The following CAMTA1 variants were observed in gnomAD, a reference collection of about 807,000 sequenced individuals.
CAMTA1 encodes the protein calmodulin binding transcription activator 1.
CAMTA1 carries 27 observed loss-of-function variants against 170.9 expected under a neutral mutation model. That is an observed-to-expected ratio of 0.16 (90% CI 0.12 to 0.22). The LOEUF is 0.22. CAMTA1 is among the 10% of genes least tolerant of loss of function. The pLI, the probability that CAMTA1 is intolerant of heterozygous loss-of-function variation, is 1.00. For synonymous variants in CAMTA1, 833 were observed against 891.5 expected (o/e 0.93, Z 1.17); for missense variants, 1,619 against 2,217.2 (o/e 0.73, Z 5.42).
At chr1:7,046,952 T>A (rs1249526920) in intron 3 of CAMTA1, among the ~76,000 whole-genome samples, 1 of 152,216 alleles carries the variant, frequency 6.6e-6, no homozygotes, top group Non-Finnish European at 1.5e-5. Context: ...TTTCTGTTTT[T>A]CCTCCTGGGT....
At chr1:7,457,885 AT>A (rs972207983) in intron 5 of CAMTA1, among the ~76,000 whole-genome samples, 5 of 152,048 alleles carry the variant, frequency 3.3e-5, no homozygotes, top group African/African-American at 1.2e-4. Flanking sequence ...CTGCCCAAGG[AT>A]CCCCCTTCCG....
chr1:7,341,898 T>A (rs955858283), intron 5 of CAMTA1, among the ~76,000 whole-genome samples: 1 of 151,946 alleles, frequency 6.6e-6, no homozygotes, highest in Non-Finnish European at 1.5e-5. Context: ...CCTCGCCTCC[T>A]CCCCCACCAG....
rs533353922 is a variant in CAMTA1, at chr1:6,804,665, A to C, written c.46-15516A>C. ...TTAGCATAATGTTTTCAAGGTTTTT[A>C]TCTATGTTGTATGTAGCATGTACTG... On this transcript the variant is annotated intron_variant, in intron 1 of 22. Coordinates refer to ENST00000303635, the MANE Select transcript of CAMTA1 (RefSeq NM_015215.4). 3.0e-4 allele frequency among the ~76,000 whole-genome samples: 45 copies of C among 152,196 alleles called. No homozygotes were observed. The South Asian group carries it at 9.3e-3, about 32-fold the overall frequency.
intron 6 of CAMTA1, among the ~76,000 whole-genome samples, chr1:7,556,172 G>A (rs1218567887): frequency 6.6e-6 from 1 of 152,178 alleles, no homozygotes; most frequent in East Asian, 1.9e-4. Flanking sequence ...GCGGGCTCTG[G>A]GCGGAGAGGC....
chr1:7,350,328 C>A (rs546165347), intron 5 of CAMTA1, among the ~76,000 whole-genome samples: 21 of 152,326 alleles, frequency 1.4e-4, no homozygotes, highest in African/African-American at 4.3e-4. Context: ...TGCAGAGAGT[C>A]CTCCTGCCCC....
At chr1:6,947,636 C>G (rs1687798342) in intron 3 of CAMTA1, among the ~76,000 whole-genome samples, 1 of 151,982 alleles carries the variant, frequency 6.6e-6, no homozygotes, top group Admixed American at 6.6e-5. Flanking sequence ...ACCACCTCGG[C>G]CTCCCAAAGT....
Position 7,705,577 on chromosome 1 carries a change from G to A in CAMTA1, c.2915-26871G>A, listed in dbSNP as rs1489832166. ...GGGCCCGGCCCGGCCGGCGGCGAGTGTGTTGGGGCGCTCGGCTTCTCCTCA... is the reference window on the plus strand; with the variant it reads ...GGGCCCGGCCCGGCCGGCGGCGAGTATGTTGGGGCGCTCGGCTTCTCCTCA... On this transcript the variant is annotated intron_variant, in intron 11 of 22. Coordinates refer to ENST00000303635, the MANE Select transcript of CAMTA1 (RefSeq NM_015215.4). Among the ~76,000 whole-genome samples the A allele has an allele frequency of 2.0e-5, 3 of 151,576 alleles. No homozygotes were observed. In the East Asian group the frequency reaches 5.8e-4, roughly 29 times the overall value.
intron 5 of CAMTA1, among the ~76,000 whole-genome samples, chr1:7,390,591 G>A (rs2088588807): frequency 6.6e-6 from 1 of 152,230 alleles, no homozygotes; most frequent in Non-Finnish European, 1.5e-5. Context: ...AGTGCCTGTG[G>A]CAGTAGGGTT....
At chr1:7,452,586 C>T (rs898001288) in intron 5 of CAMTA1, among the ~76,000 whole-genome samples, 1 of 152,236 alleles carries the variant, frequency 6.6e-6, no homozygotes, top group Non-Finnish European at 1.5e-5. Flanking sequence ...ATAGGTTGAC[C>T]TCTTCAGAAT....
At position 7,664,377 on chromosome 1, in the gene CAMTA1, G is replaced by T. The variant is rs1434121080; in HGVS notation, c.1830G>T (p.Gln610His). ...CGGGCCACAGCCCCCACATCCACCAGACCCCCTCCCCGAGCTTCTTCCTGC... is the reference window on the plus strand; with the variant it reads ...CGGGCCACAGCCCCCACATCCACCATACCCCCTCCCCGAGCTTCTTCCTGC... ...SQTGHSPHIH[Q>H]TPSPSFFLQD... The change falls in exon 9 of 23, where the codon CAG (glutamine) becomes CAT (histidine). Residue 610 changes from glutamine to histidine, a missense_variant. This residue lies in a region of CAMTA1 where 731 missense variants were observed against 907.6 expected (regional missense o/e 0.81). Coordinates refer to ENST00000303635, the MANE Select transcript of CAMTA1 (RefSeq NM_015215.4). 1 of 1,613,532 alleles carries T rather than the reference G, an allele frequency of 6.2e-7. No homozygotes were observed. Among genetic ancestry groups the T allele is most frequent in the Non-Finnish European group, 8.5e-7 (1 of 1,179,982 alleles).
chr1:7,578,720 G>A (rs1042993502), intron 6 of CAMTA1, among the ~76,000 whole-genome samples: 2 of 152,142 alleles, frequency 1.3e-5, no homozygotes, highest in Non-Finnish European at 2.9e-5. Context: ...TGGACAGATG[G>A]CCCCATCTGT....
At chr1:7,555,554 C>T (rs775604496) in intron 6 of CAMTA1, among the ~76,000 whole-genome samples, 16 of 152,134 alleles carry the variant, frequency 1.1e-4, no homozygotes, top group Non-Finnish European at 1.8e-4. Flanking sequence ...CTGGATATCC[C>T]AAGAATCACA....
At chr1:6,913,123 A>G (rs902842579) in intron 3 of CAMTA1, among the ~76,000 whole-genome samples, 2 of 152,094 alleles carry the variant, frequency 1.3e-5, no homozygotes, top group African/African-American at 4.8e-5. Context: ...CTTCCTCTTC[A>G]TGTTTGTAAA....
chr1:7,231,427 G>A (rs1662809121), intron 4 of CAMTA1, among the ~76,000 whole-genome samples: 1 of 151,854 alleles, frequency 6.6e-6, no homozygotes, highest in Admixed American at 6.6e-5. Flanking sequence ...GAGTGCAGTG[G>A]CATGATCTCG....
chr1:7,506,741 TCA>T (rs2094120261), intron 6 of CAMTA1, among the ~76,000 whole-genome samples: 1 of 150,908 alleles, frequency 6.6e-6, no homozygotes, highest in South Asian at 2.1e-4. Flanking sequence ...AGCATCATGC[TCA>T]CACAAAATCT....
At chr1:6,937,032 CCAT>C (rs1685438599) in intron 3 of CAMTA1, among the ~76,000 whole-genome samples, 1 of 151,944 alleles carries the variant, frequency 6.6e-6, no homozygotes, top group South Asian at 2.1e-4. Flanking sequence ...ACTGCCGTCT[CCAT>C]CATCATCACC....
chr1:7,765,512 C>T (rs971152242), intron 22 of CAMTA1, among the ~76,000 whole-genome samples: 7 of 152,270 alleles, frequency 4.6e-5, no homozygotes, highest in Middle Eastern at 3.4e-3. Context: ...TTATCAGTAT[C>T]GCACCCTATG....
rs987069980 is a variant in CAMTA1 at position 7,634,005 on chromosome 1, T to A, written c.511-6395T>A. 6.6e-6 allele frequency among the ~76,000 whole-genome samples: 1 copy of A among 151,988 alleles called. No individual in the cohort carries two copies. The stretch of plus-strand genomic sequence containing the variant: ...AATGGGGTGGCGGGAGCCAGGTGCA[T>A]GAGGCAGGCAGCGGCCAGCAAGAAG... On this transcript the variant is annotated intron_variant, in intron 6 of 22. Coordinates refer to ENST00000303635, the MANE Select transcript of CAMTA1 (RefSeq NM_015215.4). The surrounding 1 kb of genome is among the most constrained non-coding windows in gnomAD (Gnocchi z 6.2).
chr1:6,899,288 A>G (rs1676341799), intron 3 of CAMTA1, among the ~76,000 whole-genome samples: 1 of 152,246 alleles, frequency 6.6e-6, no homozygotes, highest in African/African-American at 2.4e-5. Context: ...CAGGCTTTCT[A>G]AAATAAATGA....
Sources: allele counts gnomAD v4.1 joint callset (sites outside exome capture counted in the v4.1 genomes callset), GRCh38; gene constraint gnomAD v4.1.1; regional missense constraint gnomAD v4.1.1; non-coding constraint Gnocchi (gnomAD v3.1); transcripts MANE v1.5; gene names NCBI Gene and HGNC (gene_info 2026-07-23, HGNC 2026-07-21).